GRHPR: variants seen among roughly 807,000 people sequenced by gnomAD.
The protein encoded by GRHPR is glyoxylate and hydroxypyruvate reductase.
GRHPR carries 35 observed loss-of-function variants against 36.8 expected under a neutral mutation model. The ratio of observed to expected loss-of-function variants is 0.95; its 90% CI spans 0.73 to 1.26. The LOEUF is 1.26. GRHPR is among the 50% of genes most tolerant of loss of function. The pLI, the probability that GRHPR is intolerant of heterozygous loss-of-function variation, is 0.00. For missense variants in GRHPR, 380 were observed against 435.0 expected (o/e 0.87, Z 1.12); for synonymous variants, 179 against 181.0 (o/e 0.99, Z 0.09).
intron 1 of GRHPR, among the ~76,000 whole-genome samples, chr9:37,424,229 C>T (rs1822970639): frequency 6.6e-6 from 1 of 152,240 alleles, no homozygotes; most frequent in Non-Finnish European, 1.5e-5. Context: ...GAAAGGTGGT[C>T]AGTGCCCTGG....
intron 5 of GRHPR, chr9:37,428,829 C>T: frequency 1.6e-6 from 1 of 616,316 alleles, no homozygotes; most frequent in Non-Finnish European, 3.0e-6. Context: ...GATTCCGGCT[C>T]CATAAAGAAC....
At chr9:37,428,271 C>G in intron 4 of GRHPR, 1 of 604,336 alleles carries the variant, frequency 1.7e-6, no homozygotes, top group East Asian at 2.8e-5. Flanking sequence ...GGCCCCTTCC[C>G]GCCCTCAAGT....
chr9:37,425,721 T>A (rs1457838828), intron 2 of GRHPR, among the ~76,000 whole-genome samples: 1 of 152,234 alleles, frequency 6.6e-6, no homozygotes, highest in Non-Finnish European at 1.5e-5. Flanking sequence ...TGCCTGTGAC[T>A]GAGCCAGGCC....
In GRHPR at chr9:37,430,661, C is replaced by A. The variant is rs750526243; in HGVS notation, c.734+15C>A. The A allele has an allele frequency of 1.9e-6, 3 of 1,612,300 alleles. No homozygotes were observed. The South Asian group carries it at 3.3e-5, about 18-fold the overall frequency. On this transcript the variant is annotated intron_variant, in intron 7 of 8. Transcript: ENST00000318158. ...AACATCAGCAGGTATCCTAGGGCCA[C>A]CTTACCCAGCAAGCCTGGAGAGGAG...
chr9:37,437,267 A>C (rs116831702), downstream of GRHPR, among the ~76,000 whole-genome samples: 1 of 152,184 alleles, frequency 6.6e-6, no homozygotes, highest in Admixed American at 6.5e-5. Context: ...TTCAAAAAAA[A>C]CTTTAAAAAT....
Position 37,428,478 on chromosome 9 carries a change from C to T in GRHPR, c.405-6C>T, listed in dbSNP as rs757641237. ...GCCTCTCACCTGCCCCTCTCTCTCCCCTCAGTGGTGGCTGGACCTCGTGGA... is the reference window on the plus strand; with the variant it reads ...GCCTCTCACCTGCCCCTCTCTCTCCTCTCAGTGGTGGCTGGACCTCGTGGA... On this transcript the variant is annotated splice_region_variant and splice_polypyrimidine_tract_variant and intron_variant, in intron 4 of 8. Coordinates refer to ENST00000318158, the MANE Select transcript of GRHPR (RefSeq NM_012203.2). The T allele has an allele frequency of 1.3e-6, 2 of 1,595,592 alleles. No homozygotes were observed. The highest frequency in any genetic ancestry group is 8.6e-7 in the Non-Finnish European group (1 of 1,163,948).
At chr9:37,429,656 G>C in intron 5 of GRHPR, 76 bp from the exon 6 acceptor site, 3 of 953,262 alleles carry the variant, frequency 3.1e-6, no homozygotes, top group South Asian at 1.3e-5. Flanking sequence ...CCTGAGGGCC[G>C]CTGTTCCAGA....
At chr9:37,438,354 C>G (rs1475283641), downstream of GRHPR, 1 of 152,492 alleles carries the variant, frequency 6.6e-6, no homozygotes. Context: ...TCCAGGGAAC[C>G]CTGGAATTAT....
At chr9:37,428,353 C>T (rs1244292232) in intron 4 of GRHPR, 131 bp from the exon 5 acceptor site, 5 of 738,450 alleles carry the variant, frequency 6.8e-6, no homozygotes, top group Non-Finnish European at 1.2e-5. Context: ...GGCAGTGCCT[C>T]ATCCCACTCT....
At chr9:37,435,532 T>C (rs970670273) in intron 8 of GRHPR, among the ~76,000 whole-genome samples, 4 of 152,210 alleles carry the variant, frequency 2.6e-5, no homozygotes, top group Middle Eastern at 3.4e-3. Flanking sequence ...TTTGATCAGA[T>C]GCAATGTTCT....
intron 8 of GRHPR, chr9:37,432,502 A>T (rs1026271650): frequency 5.8e-5 from 18 of 312,258 alleles, no homozygotes; most frequent in Admixed American, 8.3e-5. Context: ...ATATGGTGAA[A>T]CCCCATCTCT....
At chr9:37,437,892 G>A (rs1302675664), downstream of GRHPR, among the ~76,000 whole-genome samples, 3 of 152,102 alleles carry the variant, frequency 2.0e-5, no homozygotes, top group Non-Finnish European at 4.4e-5. Flanking sequence ...AGAGCAACTG[G>A]GTAGACTGAA....
chr9:37,430,517 C>A lies in GRHPR; in HGVS notation c.605C>A (p.Thr202Asn). The A allele has an allele frequency of 6.2e-7, 1 of 1,613,490 alleles. No individual in the cohort carries two copies. Reference sequence around the variant, plus strand: ...GAGTCCTGCCCTCCCTCAGTGTCTACCCCTGAGCTGGCTGCCCAATCTGAT... The same window carrying A: ...GAGTCCTGCCCTCCCTCAGTGTCTAACCCTGAGCTGGCTGCCCAATCTGAT... ...AAEFQAEFVS[T>N]PELAAQSDFI... The change falls in exon 7 of 9, where the codon ACC becomes AAC. Residue 202 changes from threonine (T) to asparagine (N), a missense_variant. Transcript: ENST00000318158.
At chr9:37,425,355 C>T (rs1418209193) in intron 2 of GRHPR, among the ~76,000 whole-genome samples, 3 of 152,242 alleles carry the variant, frequency 2.0e-5, no homozygotes, top group Non-Finnish European at 4.4e-5. Flanking sequence ...AGCAGGATGT[C>T]TTTCCTCAAC....
rs1317344049 is a variant in GRHPR, at chr9:37,422,802, G to A, written c.52G>A (p.Glu18Lys). Residue 18 changes from glutamate (E) to lysine (K), a missense_variant, in exon 1 of 9, where the codon GAG becomes AAG. Coordinates refer to ENST00000318158, the MANE Select transcript of GRHPR (RefSeq NM_012203.2). ...GTTCGTCACCCGCAGGATACCCGCC[G>A]AGGGTAGGGTCGCGCTCGCCCGGGC... ...KVFVTRRIPA[E>K]GRVALARAAD... 4.4e-6 allele frequency: 7 copies of A among 1,602,734 alleles called. No individual in the cohort carries two copies. The East Asian group carries it at 1.1e-4, about 26-fold the overall frequency.
Position 37,427,285 on chromosome 9 carries a change from C to A in GRHPR, c.404+631C>A, listed in dbSNP as rs1481061779. On this transcript the variant is annotated intron_variant, in intron 4 of 8. Coordinates refer to ENST00000318158, the MANE Select transcript of GRHPR (RefSeq NM_012203.2). ...CTGCAGGTCCACCATCCCTTAGATC[C>A]CAAAATCTAAAAAGCTCGGACAGCT... 2.0e-5 allele frequency among the ~76,000 whole-genome samples: 3 copies of A among 152,112 alleles called. No homozygotes were observed. In the South Asian group the frequency reaches 6.2e-4, roughly 32 times the overall value.
chr9:37,426,479 C>G (rs1030943565), intron 3 of GRHPR, 59 bp from the exon 4 acceptor site: 2 of 1,053,654 alleles, frequency 1.9e-6, no homozygotes, highest in South Asian at 1.3e-5. Context: ...AATGTCCCAG[C>G]AGTAGACATT....
At chr9:37,437,945 G>A (rs1823749686), downstream of GRHPR, among the ~76,000 whole-genome samples, 1 of 152,194 alleles carries the variant, frequency 6.6e-6, no homozygotes, top group Non-Finnish European at 1.5e-5. Flanking sequence ...GACAGAAAAG[G>A]CGGGGGAAGG....
chr9:37,438,868 G>A (rs978808845), downstream of GRHPR: 12 of 152,128 alleles, frequency 7.9e-5, no homozygotes, highest in Non-Finnish European at 1.8e-4. Flanking sequence ...TTCCCTTTGG[G>A]CTTTTCTTCC....
Sources: allele counts gnomAD v4.1 joint callset (sites outside exome capture counted in the v4.1 genomes callset), GRCh38; gene constraint gnomAD v4.1.1; transcripts MANE v1.5; gene names NCBI Gene and HGNC (gene_info 2026-07-23, HGNC 2026-07-21).